The following CACNG3 variants were observed in gnomAD, a reference collection of about 807,000 sequenced individuals.
The protein encoded by CACNG3 is calcium voltage-gated channel auxiliary subunit gamma 3.
Under a neutral mutation model 28.5 loss-of-function variants are expected in CACNG3, and 3 were observed. The observed-to-expected ratio is 0.11, with a 90% CI of 0.05 to 0.27. The LOEUF (loss-of-function observed/expected upper bound fraction) is 0.27. Ranked by LOEUF, CACNG3 falls within the 10% of genes least tolerant of loss-of-function variation. The pLI is 1.00. For synonymous variants in CACNG3, 174 were observed against 162.2 expected, an observed-to-expected ratio of 1.07 and a Z score of -0.55; for missense variants, 236 against 414.4, an observed-to-expected ratio of 0.57 and a Z score of 3.74.
At chr16:24,264,604 C>T (rs1898573611) in intron 1 of CACNG3, among the ~76,000 whole-genome samples, 1 of 152,218 alleles carries the variant, frequency 6.6e-6, no homozygotes, top group African/African-American at 2.4e-5. Context: ...AGGTTTACAG[C>T]CTCGCCCAGC....
intron 2 of CACNG3, among the ~76,000 whole-genome samples, chr16:24,349,572 TG>T (rs1596651689): frequency 6.6e-6 from 1 of 152,236 alleles, no homozygotes; most frequent in Non-Finnish European, 1.5e-5. Flanking sequence ...GGGTAACTTC[TG>T]ACATTGCCAT....
rs750145274 is a variant in CACNG3, at chr16:24,266,968, C to CT, written c.211+10019dup. Among the ~76,000 whole-genome samples the CT allele has an allele frequency of 6.7e-3, 919 of 137,322 alleles. 8 individuals are homozygous for CT. Among genetic ancestry groups the CT allele is most frequent in the Admixed American group, 0.011 (152 of 13,738 alleles). 90.1% of individuals were successfully genotyped at this position (137,322 alleles called of 152,430 possible). A position where few individuals can be genotyped will look rare whatever the true frequency, so the allele number is the denominator to read the frequency against. On this transcript the variant is annotated intron_variant, in intron 1 of 3. Coordinates refer to ENST00000005284, the MANE Select transcript of CACNG3 (RefSeq NM_006539.4). ...CTAGGGAAATAATTATTTTTAATTT[C>CT]TTTTTTTTTTTTTTTTGAGATGGAG...
chr16:24,361,392 C>T lies in CACNG3; in HGVS notation c.477C>T (p.Ala159=). Residue 159 remains alanine (A), a synonymous_variant, in exon 4 of 4, where the codon GCC becomes GCT. Transcript: ENST00000005284. This position sits in a 1 kb window ranked among gnomAD's most constrained non-coding sequence, Gnocchi z 6.8. ...TTGGCATCATAGTTTATATATCAGC[C>T]AACGCCGGAGACCCCGGGCAGCGTG... ...NIIGIIVYIS[A]NAGDPGQRDS... 6.2e-7 allele frequency: 1 copy of T among 1,611,484 alleles called. No individual in the cohort carries two copies. Among genetic ancestry groups the T allele is most frequent in the East Asian group, 2.2e-5 (1 of 44,872 alleles).
At chr16:24,352,738 C>T (rs1038572026) in intron 2 of CACNG3, among the ~76,000 whole-genome samples, 1 of 152,034 alleles carries the variant, frequency 6.6e-6, no homozygotes, top group African/African-American at 2.4e-5. Context: ...TGGGGTTTTG[C>T]CATGTTGCCC....
intron 2 of CACNG3, among the ~76,000 whole-genome samples, chr16:24,353,361 A>C (rs1466595556): frequency 6.6e-6 from 1 of 152,168 alleles, no homozygotes; most frequent in Non-Finnish European, 1.5e-5. Flanking sequence ...AAGCCCCTTG[A>C]TGACAGGACC....
chr16:24,359,284 C>G (rs900550602), intron 3 of CACNG3, among the ~76,000 whole-genome samples: 6 of 152,058 alleles, frequency 3.9e-5, no homozygotes, highest in African/African-American at 1.4e-4. Context: ...TTGTTATATC[C>G]ATGTTCATTT....
chr16:24,344,302 G>A (rs1018536199), intron 1 of CACNG3, among the ~76,000 whole-genome samples: 11 of 152,004 alleles, frequency 7.2e-5, no homozygotes, highest in Admixed American at 5.2e-4. Context: ...CCTGGTGGTC[G>A]GGAGGCTGTG....
chr16:24,269,010 C>T (rs966929880), intron 1 of CACNG3, among the ~76,000 whole-genome samples: 2 of 152,132 alleles, frequency 1.3e-5, no homozygotes, highest in Non-Finnish European at 2.9e-5. Context: ...TTGAAAGGCA[C>T]CAGACTTGGA....
At chr16:24,282,191 G>A (rs976920461) in intron 1 of CACNG3, among the ~76,000 whole-genome samples, 32 of 152,272 alleles carry the variant, frequency 2.1e-4, no homozygotes, top group African/African-American at 7.7e-4. Context: ...AGGAAATGGA[G>A]GTTCAGGTTG....
chr16:24,327,701 G>C (rs1009034819), intron 1 of CACNG3, among the ~76,000 whole-genome samples: 5 of 151,766 alleles, frequency 3.3e-5, no homozygotes, highest in Admixed American at 2.6e-4. Context: ...CAATGCTTTG[G>C]GGGGCTGAGA....
At chr16:24,317,209 A>C (rs930505374) in intron 1 of CACNG3, among the ~76,000 whole-genome samples, 6 of 152,128 alleles carry the variant, frequency 3.9e-5, no homozygotes, top group Non-Finnish European at 1.5e-5. Flanking sequence ...TGAAGCTTAG[A>C]GATGTTGAGA....
At chr16:24,327,451 TATATAC>T (rs200005262) in intron 1 of CACNG3, among the ~76,000 whole-genome samples, 8 of 115,448 alleles carry the variant, frequency 6.9e-5, no homozygotes, top group African/African-American at 2.7e-4. Flanking sequence ...TATATATATA[TATATAC>T]ACACACACAC....
At chr16:24,278,696 C>T (rs1471408181) in intron 1 of CACNG3, among the ~76,000 whole-genome samples, 1 of 152,168 alleles carries the variant, frequency 6.6e-6, no homozygotes, top group Non-Finnish European at 1.5e-5. Context: ...AAATAACTTA[C>T]ACGATTACAT....
intron 1 of CACNG3, among the ~76,000 whole-genome samples, chr16:24,299,433 T>A (rs1899076953): frequency 6.6e-6 from 1 of 152,146 alleles, no homozygotes; most frequent in Admixed American, 6.5e-5. Flanking sequence ...TCCAGGCACA[T>A]CTTGTACATT....
At chr16:24,287,656 A>T (rs1425183563) in intron 1 of CACNG3, among the ~76,000 whole-genome samples, 2 of 152,168 alleles carry the variant, frequency 1.3e-5, no homozygotes, top group Admixed American at 1.3e-4. Flanking sequence ...CCCTGGCAAC[A>T]GAACCATCCT....
intron 1 of CACNG3, among the ~76,000 whole-genome samples, chr16:24,288,590 G>C (rs1026567188): frequency 6.6e-6 from 1 of 152,218 alleles, no homozygotes; most frequent in Non-Finnish European, 1.5e-5. Context: ...TATATCTACT[G>C]TCTTTTCCCC....
At chr16:24,334,950 T>C (rs1489009532) in intron 1 of CACNG3, among the ~76,000 whole-genome samples, 2 of 152,138 alleles carry the variant, frequency 1.3e-5, no homozygotes, top group African/African-American at 4.8e-5. Context: ...CAATTTCCCA[T>C]TGGTTTCCTC....
intron 3 of CACNG3, among the ~76,000 whole-genome samples, chr16:24,356,975 G>C (rs571676852): frequency 6.6e-6 from 1 of 151,998 alleles, no homozygotes; most frequent in Non-Finnish European, 1.5e-5. Context: ...ATCAGATCAT[G>C]CCTGTAATCC....
chr16:24,320,524 G>T (rs4787988), intron 1 of CACNG3, among the ~76,000 whole-genome samples: 13,538 of 151,930 alleles, frequency 0.089, 770 homozygotes, highest in Admixed American at 0.18. Flanking sequence ...AGGGATTGTG[G>T]ACCTTAGAAA....
Sources: gnomAD v4.1 joint callset for allele counts (sites outside exome capture counted in the v4.1 genomes callset) on GRCh38, gnomAD v4.1.1 for gene constraint, Gnocchi (gnomAD v3.1) non-coding constraint, MANE v1.5 for transcripts, NCBI Gene and HGNC (gene_info 2026-07-23, HGNC 2026-07-21) for gene names.